ABCA12: variants seen among roughly 807,000 people sequenced by gnomAD.
The protein encoded by ABCA12 is ATP binding cassette subfamily A member 12.
Under a neutral mutation model 293.5 loss-of-function variants are expected in ABCA12, and 156 were observed. The observed-to-expected ratio is 0.53, with a 90% confidence interval of 0.47 to 0.61. The LOEUF is 0.61. Among genes scored for constraint, ABCA12 ranks in the 20% least tolerant of loss-of-function variants. ABCA12 has a pLI of 0.00. For synonymous variants in ABCA12, 1,063 were observed against 1,108.0 expected (o/e 0.96, Z 0.81); for missense variants, 2,797 against 3,090.2 (o/e 0.91, Z 2.25).
chr2:215,082,961 A>G (rs1306780291), intron 2 of ABCA12, among the ~76,000 whole-genome samples: 1 of 152,258 alleles, frequency 6.6e-6, no homozygotes, highest in Admixed American at 6.5e-5. Flanking sequence ...TAAAAGCTCA[A>G]TGATATTTGT....
chr2:215,052,485 A>T lies in ABCA12; in HGVS notation c.507+2T>A. 1 of 1,611,642 alleles carries T rather than the reference A, an allele frequency of 6.2e-7. No individual in the cohort carries two copies. The highest frequency in any genetic ancestry group is 1.1e-5 in the South Asian group (1 of 91,032). Reference sequence around the variant, plus strand: ...ACCCATTACAAAATTGAATCAAGTTACCTTTTCCAAGCCAAGAATTCGTGC... The same window carrying T: ...ACCCATTACAAAATTGAATCAAGTTTCCTTTTCCAAGCCAAGAATTCGTGC... On this transcript the variant is annotated splice_donor_variant, in intron 5 of 52. Transcript: ENST00000272895. LOFTEE classifies it high-confidence loss of function.
chr2:215,003,274 C>A (rs1052960348), intron 20 of ABCA12, among the ~76,000 whole-genome samples: 1 of 152,106 alleles, frequency 6.6e-6, no homozygotes, highest in Non-Finnish European at 1.5e-5. Flanking sequence ...TCTTGCATCC[C>A]TTAGGTTGAA....
intron 1 of ABCA12, among the ~76,000 whole-genome samples, chr2:215,124,025 T>G: frequency 6.6e-6 from 1 of 152,308 alleles, no homozygotes; most frequent in East Asian, 1.9e-4. Context: ...CAACGTTTGG[T>G]TTTTCATTCC....
At chr2:215,009,370 C>G (rs1700323289) in intron 18 of ABCA12, among the ~76,000 whole-genome samples, 1 of 151,890 alleles carries the variant, frequency 6.6e-6, no homozygotes, top group Non-Finnish European at 1.5e-5. Context: ...GGCTTAATAC[C>G]TGGGTGATAA....
At position 214,994,378 on chromosome 2, in the gene ABCA12, C is replaced by G. The variant is rs773749612; in HGVS notation, c.3294+3317G>C. Among the ~76,000 whole-genome samples, 3 of 152,176 alleles carry G rather than the reference C, an allele frequency of 2.0e-5. No individual in the cohort carries two copies. In the South Asian group the frequency reaches 6.2e-4, roughly 32 times the overall value. ...ATAACCTGTTGCTCAAAGAAAACCCCGCTGCCTAGTAGCCAAAGTCTGCCC... is the reference window on the plus strand; with the variant it reads ...ATAACCTGTTGCTCAAAGAAAACCCGGCTGCCTAGTAGCCAAAGTCTGCCC... On this transcript the variant is annotated intron_variant, in intron 23 of 52. Transcript: ENST00000272895.
At chr2:215,090,446 T>G (rs115702828) in intron 2 of ABCA12, among the ~76,000 whole-genome samples, 7,767 of 152,184 alleles carry the variant, frequency 0.051, 620 homozygotes, top group African/African-American at 0.17. Flanking sequence ...TTTAAATCAG[T>G]TAAGCGGCTT....
intron 2 of ABCA12, among the ~76,000 whole-genome samples, chr2:215,106,778 A>G (rs1702471799): frequency 1.3e-5 from 2 of 152,056 alleles, no homozygotes; most frequent in South Asian, 4.2e-4. Flanking sequence ...CAGGCTGAAA[A>G]TGTTGGACGT....
intron 2 of ABCA12, chr2:215,075,721 G>A (rs1158269188): frequency 3.4e-6 from 2 of 582,196 alleles, no homozygotes; most frequent in African/African-American, 1.9e-5. Flanking sequence ...TAATGAAATG[G>A]AGAAAACAAA....
chr2:214,945,197 G>A (rs1169888977), intron 48 of ABCA12, 93 bp from the exon 49 acceptor site: 1 of 1,044,332 alleles, frequency 9.6e-7, no homozygotes, highest in Non-Finnish European at 1.4e-6. Context: ...CCCTAGAACA[G>A]AAATACTTTT....
chr2:215,052,540 T>G lies in ABCA12; in HGVS notation c.454A>C (p.Thr152Pro). ...SPSSDLEIPG[T>P]YTFNGSQVLA... ...ACTTGACTGCCATTGAAAGTATATGTTCCGGGGATTTCCAAATCAGAACTT... is the reference window on the plus strand; with the variant it reads ...ACTTGACTGCCATTGAAAGTATATGGTCCGGGGATTTCCAAATCAGAACTT... The change falls in exon 5 of 53, where the codon ACA (threonine) becomes CCA (proline). Residue 152 changes from threonine (T) to proline (P), a missense_variant. Around this residue, in one of 3 missense-constraint regions of ABCA12, gnomAD observed 656 missense variants for 638.2 expected, o/e 1.03. Coordinates refer to ENST00000272895, the MANE Select transcript of ABCA12 (RefSeq NM_173076.3). The G allele has an allele frequency of 6.2e-7, 1 of 1,612,720 alleles. No individual in the cohort carries two copies. The highest frequency in any genetic ancestry group is 8.5e-7 in the Non-Finnish European group (1 of 1,179,022).
chr2:215,016,074 G>T (rs1229263982), intron 14 of ABCA12, among the ~76,000 whole-genome samples: 4 of 151,750 alleles, frequency 2.6e-5, no homozygotes, highest in Non-Finnish European at 5.9e-5. Context: ...AACCCTGGAG[G>T]TGGAGGTTGC....
chr2:215,085,102 A>T (rs1469841293), intron 2 of ABCA12, among the ~76,000 whole-genome samples: 2 of 151,644 alleles, frequency 1.3e-5, no homozygotes, highest in Non-Finnish European at 2.9e-5. Context: ...AAAAAAAAAA[A>T]AAAACAGAAA....
Position 215,043,369 on chromosome 2 carries a change from T to C in ABCA12, c.872+2468A>G, listed in dbSNP as rs527390116. Among the ~76,000 whole-genome samples, 4 of 152,282 alleles carry C rather than the reference T, an allele frequency of 2.6e-5. No individual in the cohort carries two copies. In the South Asian group the frequency reaches 8.3e-4, roughly 32 times the overall value. ...CATATATAATCATTACTTGACAACA[T>C]ACTCTACTGCATAGTGCCAAAATAT... is the stretch of plus-strand genomic sequence containing the variant. On this transcript the variant is annotated intron_variant, in intron 7 of 52. Coordinates refer to ENST00000272895, the MANE Select transcript of ABCA12 (RefSeq NM_173076.3).
chr2:215,009,632 T>C (rs1451644245), intron 18 of ABCA12, among the ~76,000 whole-genome samples: 1 of 152,190 alleles, frequency 6.6e-6, no homozygotes, highest in African/African-American at 2.4e-5. Context: ...TCTTTGATAA[T>C]AATGATCGCT....
chr2:214,934,365 C>CT (rs1392561515), intron 51 of ABCA12, 150 bp from the exon 52 acceptor site: 11 of 928,380 alleles, frequency 1.2e-5, no homozygotes, highest in African/African-American at 1.2e-4. Context: ...TATTTTGAAA[C>CT]TAACAGCTTG....
At chr2:214,935,221 C>A (rs1265867280) in intron 51 of ABCA12, among the ~76,000 whole-genome samples, 3 of 152,124 alleles carry the variant, frequency 2.0e-5, no homozygotes, top group Non-Finnish European at 4.4e-5. Context: ...GGCTATTTTC[C>A]TTCTAGACAT....
intron 2 of ABCA12, among the ~76,000 whole-genome samples, chr2:215,078,810 T>C (rs1701883095): frequency 1.3e-5 from 2 of 152,228 alleles, no homozygotes; most frequent in Admixed American, 6.5e-5. Flanking sequence ...TGGGCCATTA[T>C]ACCTAAGAAT....
At chr2:214,940,779 A>G (rs1338785324) in intron 50 of ABCA12, among the ~76,000 whole-genome samples, 1 of 151,892 alleles carries the variant, frequency 6.6e-6, no homozygotes, top group Non-Finnish European at 1.5e-5. Context: ...GTATTCTCTG[A>G]TGGTAGTTTA....
intron 1 of ABCA12, among the ~76,000 whole-genome samples, chr2:215,130,496 TG>T (rs1703030699): frequency 6.6e-6 from 1 of 152,136 alleles, no homozygotes; most frequent in African/African-American, 2.4e-5. Flanking sequence ...CTATTTTAAA[TG>T]GCCTTAAGTT....
Sources: allele counts gnomAD v4.1 joint callset (sites outside exome capture counted in the v4.1 genomes callset), GRCh38; gene constraint gnomAD v4.1.1; regional missense constraint gnomAD v4.1.1; transcripts MANE v1.5; gene names NCBI Gene and HGNC (gene_info 2026-07-23, HGNC 2026-07-21).